PTPRE: variants seen among roughly 807,000 people sequenced by gnomAD.
PTPRE encodes the protein protein tyrosine phosphatase receptor type E, also known as receptor-type tyrosine-protein phosphatase epsilon.
PTPRE carries 51 observed loss-of-function variants against 102.0 expected under a neutral mutation model. The ratio of observed to expected loss-of-function variants is 0.50; its 90% CI spans 0.40 to 0.63. The LOEUF is 0.63. Among genes scored for constraint, PTPRE ranks in the 30% least tolerant of loss-of-function variants. The probability of loss-of-function intolerance (pLI) is 0.00; values close to 1 mark genes in which losing one functional copy is unlikely to be tolerated. For missense variants in PTPRE, 752 were observed against 915.1 expected (o/e 0.82, Z 2.30); for synonymous variants, 345 against 348.2 (o/e 0.99, Z 0.10).
intron 1 of PTPRE, among the ~76,000 whole-genome samples, chr10:127,923,549 G>A (rs1243872007): frequency 5.9e-5 from 9 of 151,858 alleles, no homozygotes; most frequent in African/African-American, 2.2e-4. Flanking sequence ...GATTACAGGC[G>A]CCCGCCACCA....
At chr10:127,957,883 G>A (rs1240002251) in intron 1 of PTPRE, among the ~76,000 whole-genome samples, 2 of 152,172 alleles carry the variant, frequency 1.3e-5, no homozygotes, top group Non-Finnish European at 2.9e-5. Flanking sequence ...TTTCATCAGA[G>A]TTTTAATATA....
At chr10:128,072,280 A>G in intron 16 of PTPRE, 66 bp downstream of exon 16, 1 of 1,331,414 alleles carries the variant, frequency 7.5e-7, no homozygotes, top group South Asian at 1.3e-5. Flanking sequence ...CACAGACTTG[A>G]TTAGCTTGTT....
Position 127,954,099 on chromosome 10 carries a change from G to A in PTPRE, c.-30-28175G>A, listed in dbSNP as rs1589821566. ...GCAGAGGAGGACTGAAATAATCAGGGGTAGAAAATGACCTGTTCTGTGAAT... is the reference window on the plus strand; with the variant it reads ...GCAGAGGAGGACTGAAATAATCAGGAGTAGAAAATGACCTGTTCTGTGAAT... On this transcript the variant is annotated intron_variant, in intron 1 of 20. Transcript: ENST00000254667. Among the ~76,000 whole-genome samples, 5 of 152,144 alleles carry A rather than the reference G, an allele frequency of 3.3e-5. No homozygotes were observed. In the South Asian group the frequency reaches 1.0e-3, roughly 31 times the overall value.
At chr10:128,062,961 CCAA>C in intron 9 of PTPRE, 119 bp from the exon 10 acceptor site, 1 of 1,485,448 alleles carries the variant, frequency 6.7e-7, no homozygotes, top group Non-Finnish European at 9.0e-7. Context: ...GTGTGTGTCC[CCAA>C]CAAGCCTGAG....
At chr10:127,909,474 A>C (rs1845720013) in intron 1 of PTPRE, among the ~76,000 whole-genome samples, 1 of 152,120 alleles carries the variant, frequency 6.6e-6, no homozygotes, top group Non-Finnish European at 1.5e-5. Context: ...GTGTGTTTCT[A>C]GGCCCGGCCA....
chr10:127,985,787 C>G (rs951751332), intron 2 of PTPRE, among the ~76,000 whole-genome samples: 1 of 151,868 alleles, frequency 6.6e-6, no homozygotes, highest in Non-Finnish European at 1.5e-5. Context: ...CTTAAAAAAA[C>G]TATATTAATA....
intron 5 of PTPRE, 57 bp from the exon 6 acceptor site, chr10:128,049,473 C>T (rs1564927637): frequency 1.9e-6 from 3 of 1,592,028 alleles, no homozygotes; most frequent in African/African-American, 1.3e-5. Flanking sequence ...CTTGGTTACT[C>T]AGTCGCCTAT....
chr10:128,003,054 T>C (rs1447449754), intron 2 of PTPRE, among the ~76,000 whole-genome samples: 1 of 152,192 alleles, frequency 6.6e-6, no homozygotes, highest in South Asian at 2.1e-4. Flanking sequence ...CATGCACAGA[T>C]AGACCATTTA....
intron 1 of PTPRE, among the ~76,000 whole-genome samples, chr10:127,952,748 T>A (rs1341148632): frequency 1.3e-5 from 2 of 152,214 alleles, no homozygotes; most frequent in African/African-American, 4.8e-5. Flanking sequence ...AGACTGTCAT[T>A]AAAAGTCTCA....
At chr10:127,943,005 G>A (rs187630568) in intron 1 of PTPRE, among the ~76,000 whole-genome samples, 4 of 152,236 alleles carry the variant, frequency 2.6e-5, no homozygotes, top group South Asian at 2.1e-4. Context: ...CCAGGAAACC[G>A]GTGACTTTCT....
intron 1 of PTPRE, among the ~76,000 whole-genome samples, chr10:127,955,772 G>T (rs1283983336): frequency 2.0e-5 from 3 of 152,192 alleles, no homozygotes; most frequent in Admixed American, 1.3e-4. Flanking sequence ...TAACAGTTCT[G>T]CAGGCTTAAC....
intron 1 of PTPRE, among the ~76,000 whole-genome samples, chr10:127,963,099 G>A (rs780681294): frequency 6.6e-6 from 1 of 152,208 alleles, no homozygotes; most frequent in Non-Finnish European, 1.5e-5. Context: ...GCCAGACACT[G>A]AGGCAGCTCG....
At chr10:127,981,176 AT>A (rs1280696187) in intron 1 of PTPRE, among the ~76,000 whole-genome samples, 1 of 152,236 alleles carries the variant, frequency 6.6e-6, no homozygotes, top group African/African-American at 2.4e-5. Context: ...ATCTCAAAAA[AT>A]AATACTATTA....
At chr10:128,004,113 G>A (rs1854266114) in intron 2 of PTPRE, among the ~76,000 whole-genome samples, 1 of 151,646 alleles carries the variant, frequency 6.6e-6, no homozygotes, top group Non-Finnish European at 1.5e-5. Context: ...ACTTAGAAAG[G>A]GCAAAATGTG....
rs557975239 is a variant in PTPRE at position 128,040,945 on chromosome 10, G to C, written c.64G>C (p.Gly22Arg). 2.5e-6 allele frequency: 4 copies of C among 1,613,984 alleles called. No homozygotes were observed. Among genetic ancestry groups the C allele is most frequent in the Admixed American group, 1.7e-5 (1 of 60,004 alleles). ...CTTGCCGCTCGCCAGGGCTCTCAGGGGCAACGAGACCACTGCCGACAGCAA... is the reference window on the plus strand; with the variant it reads ...CTTGCCGCTCGCCAGGGCTCTCAGGCGCAACGAGACCACTGCCGACAGCAA... ...FSLPLARALR[G>R]NETTADSNET... Residue 22 changes from glycine to arginine, a missense_variant, in exon 3 of 21, where the codon GGC becomes CGC. Gly to Arg is a moderately radical substitution (Grantham distance 125). Coordinates refer to ENST00000254667, the MANE Select transcript of PTPRE (RefSeq NM_006504.6).
intron 1 of PTPRE, among the ~76,000 whole-genome samples, chr10:127,951,820 C>G (rs1003242613): frequency 6.6e-6 from 1 of 152,154 alleles, no homozygotes; most frequent in Admixed American, 6.5e-5. Context: ...ATGGTGATTC[C>G]CACCTTCAAC....
At position 127,908,193 on chromosome 10, in the gene PTPRE, C is replaced by T. The variant is rs112371163; in HGVS notation, c.-31+884C>T. ...TCCATCAGAGTTTCAATCCAGGAAA[C>T]TCAAAGAAAGAATACAGCTCTCTGC... On this transcript the variant is annotated intron_variant, in intron 1 of 20. Transcript: ENST00000254667. 3.9e-3 allele frequency among the ~76,000 whole-genome samples: 593 copies of T among 152,258 alleles called. 2 individuals are homozygous for T. The highest frequency in any genetic ancestry group is 7.0e-3 in the Non-Finnish European group (475 of 68,026).
intron 9 of PTPRE, among the ~76,000 whole-genome samples, chr10:128,062,349 G>T (rs1289085707): frequency 6.6e-6 from 1 of 152,214 alleles, no homozygotes; most frequent in Non-Finnish European, 1.5e-5. Flanking sequence ...AAGAAAAAAG[G>T]ACACACATGT....
At chr10:127,928,369 T>A (rs1171875052) in intron 1 of PTPRE, among the ~76,000 whole-genome samples, 2 of 152,254 alleles carry the variant, frequency 1.3e-5, no homozygotes, top group East Asian at 3.8e-4. Context: ...AGGCCTGTGT[T>A]TGTTTCCTTG....
Sources: gnomAD v4.1 joint callset for allele counts (sites outside exome capture counted in the v4.1 genomes callset) on GRCh38, gnomAD v4.1.1 for gene constraint, MANE v1.5 for transcripts, NCBI Gene and HGNC (gene_info 2026-07-23, HGNC 2026-07-21) for gene names.